The following PDCD6IP variants were observed in gnomAD, a reference collection of about 807,000 sequenced individuals.
PDCD6IP encodes the protein programmed cell death 6-interacting protein.
Under a neutral mutation model 103.7 loss-of-function variants are expected in PDCD6IP, and 43 were observed. The ratio of observed to expected loss-of-function variants is 0.41; its 90% confidence interval spans 0.32 to 0.53. The LOEUF is 0.53. Among genes scored for constraint, PDCD6IP ranks in the 20% least tolerant of loss-of-function variants. The pLI is 0.16. For synonymous variants in PDCD6IP, 354 were observed against 378.7 expected (o/e 0.93, Z 0.76); for missense variants, 871 against 1,036.7 (o/e 0.84, Z 2.20).
Position 33,869,037 on chromosome 3 carries a change from C to T in PDCD6IP, c.*2512C>T, listed in dbSNP as rs557844821. On this transcript the variant is annotated 3_prime_UTR_variant, in exon 18 of 18. Coordinates refer to ENST00000307296, the MANE Select transcript of PDCD6IP (RefSeq NM_013374.6). Reference sequence around the variant, plus strand: ...CAGCTTGTTTGCAATTTATAAACCTCCCCTTCAAAACTAAGGAGTTGCAGA... The same window carrying T: ...CAGCTTGTTTGCAATTTATAAACCTTCCCTTCAAAACTAAGGAGTTGCAGA... 5 of 152,296 alleles carry T rather than the reference C, an allele frequency of 3.3e-5. No individual in the cohort carries two copies. In the East Asian group the frequency reaches 9.6e-4, roughly 29 times the overall value. The allele number at this position is 152,296 out of a possible 1,614,324, so 9.4% of individuals were successfully genotyped here. A position where few individuals can be genotyped will look rare whatever the true frequency, so the allele number is the denominator to read the frequency against.
At chr3:33,841,876 C>T in intron 9 of PDCD6IP, 21 bp from the exon 10 acceptor site, 11 of 1,516,992 alleles carry the variant, frequency 7.3e-6, no homozygotes, top group Non-Finnish European at 9.9e-6. Context: ...TTCAGTATAA[C>T]ATAGTATCTC....
Position 33,869,481 on chromosome 3 carries a change from TAAAG to T in PDCD6IP, c.*2962_*2965del, listed in dbSNP as rs1040950898. The T allele has an allele frequency of 8.5e-5, 13 of 152,334 alleles. No individual in the cohort carries two copies. Among genetic ancestry groups the T allele is most frequent in the African/African-American group, 1.7e-4 (7 of 41,586 alleles). 9.4% of individuals were successfully genotyped at this position (152,334 alleles called of 1,614,324 possible). A position where few individuals can be genotyped will look rare whatever the true frequency, so the allele number is the denominator to read the frequency against. On this transcript the variant is annotated 3_prime_UTR_variant, in exon 18 of 18. Coordinates refer to ENST00000307296, the MANE Select transcript of PDCD6IP (RefSeq NM_013374.6). ...AGCAAAGAAGGAAAAATTATATTTT[TAAAG>T]AAAGAGAATATTCAGGCTTTATTTC... is the stretch of plus-strand genomic sequence containing the variant.
At chr3:33,818,103 T>G (rs1696898317) in intron 3 of PDCD6IP, among the ~76,000 whole-genome samples, 1 of 132,250 alleles carries the variant, frequency 7.6e-6, no homozygotes, top group Non-Finnish European at 1.7e-5. Context: ...TCTTGTTTTT[T>G]TTTTTTTTTT....
chr3:33,833,838 G>T (rs1173062826), intron 7 of PDCD6IP, among the ~76,000 whole-genome samples: 1 of 152,044 alleles, frequency 6.6e-6, no homozygotes, highest in Non-Finnish European at 1.5e-5. Flanking sequence ...TTTTGCTGGG[G>T]GTTCCTGTGC....
intron 15 of PDCD6IP, among the ~76,000 whole-genome samples, chr3:33,859,694 T>C (rs1697909304): frequency 6.6e-6 from 1 of 152,204 alleles, no homozygotes; most frequent in South Asian, 2.1e-4. Flanking sequence ...TGTCACATGT[T>C]GGAGAAATAG....
At chr3:33,848,849 T>A (rs1207892404) in intron 12 of PDCD6IP, among the ~76,000 whole-genome samples, 1 of 152,218 alleles carries the variant, frequency 6.6e-6, no homozygotes. Context: ...GAGCTAAGAA[T>A]GAGTTTTACA....
At chr3:33,817,265 G>A (rs1032754292) in intron 3 of PDCD6IP, among the ~76,000 whole-genome samples, 2 of 152,116 alleles carry the variant, frequency 1.3e-5, no homozygotes, top group Non-Finnish European at 2.9e-5. Context: ...CAGGCAACTC[G>A]AGTGTGGTAT....
At chr3:33,846,375 G>A (rs2125569073) in intron 12 of PDCD6IP, among the ~76,000 whole-genome samples, 1 of 152,308 alleles carries the variant, frequency 6.6e-6, no homozygotes, top group African/African-American at 2.4e-5. Flanking sequence ...CTCTGTGTAA[G>A]GCACTATGGT....
intron 12 of PDCD6IP, among the ~76,000 whole-genome samples, chr3:33,849,207 T>A (rs572475022): frequency 1.3e-5 from 2 of 152,350 alleles, no homozygotes; most frequent in South Asian, 4.1e-4. Context: ...TGCCTTTTGT[T>A]TACTATGCTT....
intron 15 of PDCD6IP, among the ~76,000 whole-genome samples, chr3:33,856,266 T>G (rs766743512): frequency 1.1e-3 from 165 of 150,156 alleles, no homozygotes; most frequent in African/African-American, 3.8e-3. Flanking sequence ...AGGAACACTT[T>G]GAGCAGAAAT....
At chr3:33,865,496 A>T in intron 17 of PDCD6IP, 66 bp downstream of exon 17, 3 of 1,325,790 alleles carry the variant, frequency 2.3e-6, no homozygotes, top group Non-Finnish European at 3.1e-6. Context: ...CTAACCTGTT[A>T]AAAACAGGGT....
At chr3:33,829,951 A>C (rs112954203) in intron 7 of PDCD6IP, among the ~76,000 whole-genome samples, 1 of 152,162 alleles carries the variant, frequency 6.6e-6, no homozygotes, top group African/African-American at 2.4e-5. Flanking sequence ...GAGGGAGCCA[A>C]ACTGCTCAAT....
chr3:33,865,544 G>T (rs778769443), intron 17 of PDCD6IP, 114 bp downstream of exon 17: 1 of 739,660 alleles, frequency 1.4e-6, no homozygotes, highest in Non-Finnish European at 2.1e-6. Context: ...GAATGAATAA[G>T]CTACACTGTC....
At chr3:33,817,580 C>CT (rs1386297152) in intron 3 of PDCD6IP, among the ~76,000 whole-genome samples, 3 of 151,966 alleles carry the variant, frequency 2.0e-5, no homozygotes, top group Admixed American at 6.6e-5. Context: ...AGACGAAACT[C>CT]TGTCTCTACA....
intron 17 of PDCD6IP, among the ~76,000 whole-genome samples, 164 bp from the exon 18 acceptor site, chr3:33,866,187 T>C (rs1352849831): frequency 6.6e-6 from 1 of 152,232 alleles, no homozygotes; most frequent in African/African-American, 2.4e-5. Context: ...ATAGGAATGC[T>C]TTTCTCTGAC....
chr3:33,844,470 G>T (rs1187843001), intron 11 of PDCD6IP, among the ~76,000 whole-genome samples: 2 of 152,094 alleles, frequency 1.3e-5, no homozygotes, highest in African/African-American at 4.8e-5. Context: ...TCCAAACTCT[G>T]TGCATATTTT....
intron 3 of PDCD6IP, among the ~76,000 whole-genome samples, chr3:33,814,869 TAC>T (rs1696810379): frequency 6.9e-6 from 1 of 145,584 alleles, no homozygotes; most frequent in Non-Finnish European, 1.5e-5. Context: ...TATATGTATA[TAC>T]ATATATACAT....
At chr3:33,813,168 C>T (rs1386748290) in intron 2 of PDCD6IP, 3 of 155,308 alleles carry the variant, frequency 1.9e-5, no homozygotes, top group Non-Finnish European at 2.8e-5. Context: ...TAACCATTCT[C>T]CTACTTTTGT....
chr3:33,863,834 A>C (rs909708871), intron 15 of PDCD6IP, 172 bp from the exon 16 acceptor site: 4 of 596,664 alleles, frequency 6.7e-6, no homozygotes, highest in Non-Finnish European at 1.2e-5. Context: ...AGGGACCTCC[A>C]TACTGTTTTC....
Sources: gnomAD v4.1 joint callset for allele counts (sites outside exome capture counted in the v4.1 genomes callset) on GRCh38, gnomAD v4.1.1 for gene constraint, MANE v1.5 for transcripts, NCBI Gene and HGNC (gene_info 2026-07-23, HGNC 2026-07-21) for gene names.